Variants in USP40 observed in about 807,000 individuals in gnomAD.
USP40 encodes ubiquitin carboxyl-terminal hydrolase 40.
In USP40, 143 loss-of-function variants were observed where a neutral mutation model predicts 166.2. The ratio of observed to expected loss-of-function variants is 0.86; its 90% confidence interval spans 0.75 to 0.99. The LOEUF is 0.99. Ranked by LOEUF, USP40 falls within the 50% of genes least tolerant of loss-of-function variation. The pLI is 0.00. For synonymous variants in USP40, 498 were observed against 524.0 expected, an observed-to-expected ratio of 0.95 and a Z score of 0.68; for missense variants, 1,444 against 1,479.7, an observed-to-expected ratio of 0.98 and a Z score of 0.40.
chr2:233,489,471 G>A lies in USP40; in HGVS notation c.3025C>T (p.Pro1009Ser). 2 of 1,604,034 alleles carry A rather than the reference G, an allele frequency of 1.2e-6. No individual in the cohort carries two copies. Among genetic ancestry groups the A allele is most frequent in the East Asian group, 4.5e-5 (2 of 44,632 alleles). The change falls in exon 27 of 32, where the codon CCT (proline) becomes TCT (serine). Residue 1009 changes from proline to serine, a missense_variant. Coordinates refer to ENST00000678225, the MANE Select transcript of USP40 (RefSeq NM_001365479.2). ...AELKSQAMTLPPFLEFGVPSP... is the reference protein window; with the variant it reads ...AELKSQAMTLSPFLEFGVPSP... ...GGGACACCGAACTCCAGGAAAGGAG[G>A]CAAGGTCATGGCCTAGAAAAAGAAA...
chr2:233,525,711 A>C (rs2067976590), intron 13 of USP40, 149 bp from the exon 14 acceptor site: 1 of 552,182 alleles, frequency 1.8e-6, no homozygotes, highest in Admixed American at 3.4e-5. Context: ...GAAAACTTGA[A>C]AAGAAGGCAT....
At chr2:233,490,259 G>C (rs1227609638) in intron 26 of USP40, among the ~76,000 whole-genome samples, 1 of 150,444 alleles carries the variant, frequency 6.6e-6, no homozygotes, top group Non-Finnish European at 1.5e-5. Context: ...CCTGTCCTGG[G>C]TTCAAGTGAT....
At chr2:233,518,232 C>T (rs1177587695) in intron 18 of USP40, among the ~76,000 whole-genome samples, 1 of 84,776 alleles carries the variant, frequency 1.2e-5, no homozygotes, top group Non-Finnish European at 2.3e-5. Flanking sequence ...AAAGTCAAAA[C>T]CAAACCAGTA....
At chr2:233,494,962 A>ATATATATT (rs2065641375) in intron 24 of USP40, among the ~76,000 whole-genome samples, 77 of 71,300 alleles carry the variant, frequency 1.1e-3, no homozygotes, top group Non-Finnish European at 1.4e-3. Context: ...ATATTTATAT[A>ATATATATT]TATATATATA....
At chr2:233,534,563 A>G (rs2068802996) in intron 10 of USP40, among the ~76,000 whole-genome samples, 1 of 152,230 alleles carries the variant, frequency 6.6e-6, no homozygotes, top group Non-Finnish European at 1.5e-5. Flanking sequence ...GAAAGAAAGT[A>G]ATTTGTGGTA....
In USP40 at chr2:233,511,723, G is replaced by A. The variant is rs1317219149; in HGVS notation, c.2512C>T (p.Pro838Ser). Residue 838 changes from proline (P) to serine (S), a missense_variant, in exon 20 of 32, where the codon CCA becomes TCA. Transcript: ENST00000678225. The part of the protein sequence containing the change: ...SSLGLCLGKA[P>S]SSSQLFLFFA... ...CCTTATTTTACCTGAGACGAACTTG[G>A]TGCTTTTCCAAGACACAGTCCCAAT... The A allele has an allele frequency of 1.2e-6, 2 of 1,610,934 alleles. No individual in the cohort carries two copies. Among genetic ancestry groups the A allele is most frequent in the Admixed American group, 3.3e-5 (2 of 59,706 alleles).
Position 233,482,318 on chromosome 2 carries a change from T to G in USP40, c.3505-1021A>C, listed in dbSNP as rs115625781. ...GGTGGAGGTTCCAGTGAGTCAAGAT[T>G]GCGCCACTGTACTCCAGCCTGGGTG... On this transcript the variant is annotated intron_variant, in intron 30 of 31. Coordinates refer to ENST00000678225, the MANE Select transcript of USP40 (RefSeq NM_001365479.2). Among the ~76,000 whole-genome samples, 836 of 150,936 alleles carry G rather than the reference T, an allele frequency of 5.5e-3. 10 individuals carry two copies. The highest frequency in any genetic ancestry group is 0.019 in the African/African-American group (779 of 40,988).
intron 31 of USP40, among the ~76,000 whole-genome samples, chr2:233,479,413 A>G (rs180885467): frequency 1.1e-4 from 16 of 152,246 alleles, no homozygotes; most frequent in Admixed American, 2.6e-4. Context: ...AAATACAAAA[A>G]TTAGCTGGGC....
In USP40 at chr2:233,511,666, T is replaced by C. The variant is rs186374306; in HGVS notation, c.2526+43A>G. 17 of 1,516,708 alleles carry C rather than the reference T, an allele frequency of 1.1e-5. 1 individual carries two copies. The East Asian group carries it at 2.1e-4, about 18-fold the overall frequency. The allele number at this position is 1,516,708 out of a possible 1,614,324, so 94.0% of individuals were successfully genotyped here. ...AAGGTACTAGTTATAATTCTGGTTATGGAAGGGTTGATTTTGTTTTGAAAC... is the reference window on the plus strand; with the variant it reads ...AAGGTACTAGTTATAATTCTGGTTACGGAAGGGTTGATTTTGTTTTGAAAC... On this transcript the variant is annotated intron_variant, in intron 20 of 31. Coordinates refer to ENST00000678225, the MANE Select transcript of USP40 (RefSeq NM_001365479.2).
chr2:233,505,848 T>C (rs760959752), intron 21 of USP40, among the ~76,000 whole-genome samples: 1 of 152,056 alleles, frequency 6.6e-6, no homozygotes, highest in Non-Finnish European at 1.5e-5. Context: ...CAAGACCAGA[T>C]GTAGATTCAA....
chr2:233,563,412 A>G (rs1463924718), intron 2 of USP40, among the ~76,000 whole-genome samples: 1 of 152,178 alleles, frequency 6.6e-6, no homozygotes, highest in East Asian at 1.9e-4. Context: ...GAGCCTAGGT[A>G]GGAACTCTTA....
Position 233,476,967 on chromosome 2 carries a change from G to A in USP40, c.*425C>T, listed in dbSNP as rs1256149819. ...GTGGCCTGAGACACTGTGAGAAGCC[G>A]GTCAGGGCGAACGAGAGTCATCTGA... On this transcript the variant is annotated 3_prime_UTR_variant, in exon 32 of 32. Transcript: ENST00000678225. 9 of 302,360 alleles carry A rather than the reference G, an allele frequency of 3.0e-5. No individual in the cohort carries two copies. Among genetic ancestry groups the A allele is most frequent in the South Asian group, 6.0e-5 (2 of 33,256 alleles). 18.7% of individuals were successfully genotyped at this position (302,360 alleles called of 1,614,324 possible).
At chr2:233,483,006 G>T (rs896702844) in intron 30 of USP40, among the ~76,000 whole-genome samples, 2 of 152,186 alleles carry the variant, frequency 1.3e-5, no homozygotes, top group Non-Finnish European at 2.9e-5. Flanking sequence ...GTTATTTTTT[G>T]ATAACAGATT....
intron 21 of USP40, among the ~76,000 whole-genome samples, chr2:233,501,183 T>G (rs192281487): frequency 1.3e-3 from 195 of 152,264 alleles, no homozygotes; most frequent in African/African-American, 4.5e-3. Context: ...ATCAAACAAT[T>G]GAGCAATCAA....
intron 4 of USP40, among the ~76,000 whole-genome samples, chr2:233,559,196 T>C (rs1265854249): frequency 6.6e-6 from 1 of 152,148 alleles, no homozygotes; most frequent in Admixed American, 6.5e-5. Flanking sequence ...TCGTATACAG[T>C]AGAATGCCTT....
rs1165626389 is a variant in USP40, at chr2:233,525,526, C to T, written c.1762G>A (p.Val588Ile). 1 of 1,613,164 alleles carries T rather than the reference C, an allele frequency of 6.2e-7. No homozygotes were observed. Among genetic ancestry groups the T allele is most frequent in the Admixed American group, 1.7e-5 (1 of 59,954 alleles). Reference sequence around the variant, plus strand: ...AGTCCTGCTGGTACAAGCTTTGCAACACTAAGAACCATGTCTCCTTCCCAA... The same window carrying T: ...AGTCCTGCTGGTACAAGCTTTGCAATACTAAGAACCATGTCTCCTTCCCAA... ...EFWEGDMVLS[V>I]AKLVPAGLHI... The change falls in exon 14 of 32, where the codon GTT becomes ATT. Residue 588 changes from valine to isoleucine, a missense_variant. Coordinates refer to ENST00000678225, the MANE Select transcript of USP40 (RefSeq NM_001365479.2).
chr2:233,527,970 T>A (rs989994419), intron 12 of USP40, among the ~76,000 whole-genome samples: 23 of 150,776 alleles, frequency 1.5e-4, no homozygotes, highest in African/African-American at 5.6e-4. Context: ...ATTTTGCACA[T>A]TCTCCCATGA....
At chr2:233,518,427 C>T (rs1046992539) in intron 18 of USP40, among the ~76,000 whole-genome samples, 5 of 151,388 alleles carry the variant, frequency 3.3e-5, no homozygotes, top group Admixed American at 2.0e-4. Context: ...ATTAGCTGGG[C>T]GTGGTGGCAC....
chr2:233,477,716 G>GGCGGC lies in USP40; in HGVS notation c.3600-214_3600-213insGCCGC, dbSNP rs557364745. Among the ~76,000 whole-genome samples the GGCGGC allele has an allele frequency of 1.3e-3, 202 of 152,374 alleles. 1 individual carries two copies. The highest frequency in any genetic ancestry group is 4.5e-3 in the African/African-American group (187 of 41,594). On this transcript the variant is annotated intron_variant, in intron 31 of 31. Transcript: ENST00000678225. Reference sequence around the variant, plus strand: ...CAGCTGCCTTCCCCTGCTTTGCACTGGCAGCACGGCATGGTTCAGGCTCTG... The same window carrying GGCGGC: ...CAGCTGCCTTCCCCTGCTTTGCACTGGCGGCGCAGCACGGCATGGTTCAGGCTCTG...
Sources: gnomAD v4.1 joint callset for allele counts (sites outside exome capture counted in the v4.1 genomes callset) on GRCh38, gnomAD v4.1.1 for gene constraint, MANE v1.5 for transcripts, NCBI Gene and HGNC (gene_info 2026-07-23, HGNC 2026-07-21) for gene names.